The following PTPRT variants were observed in gnomAD, a reference collection of about 807,000 sequenced individuals.
The protein encoded by PTPRT is receptor-type tyrosine-protein phosphatase T.
Under a neutral mutation model 176.8 loss-of-function variants are expected in PTPRT, and 56 were observed. The ratio of observed to expected loss-of-function variants is 0.32; its 90% CI spans 0.26 to 0.40. The LOEUF is 0.40. Among genes scored for constraint, PTPRT ranks in the 10% least tolerant of loss-of-function variants. PTPRT has a pLI of 1.00. For synonymous variants in PTPRT, 783 were observed against 739.0 expected, an observed-to-expected ratio of 1.06 and a Z score of -0.96; for missense variants, 1,540 against 1,908.2, an observed-to-expected ratio of 0.81 and a Z score of 3.60.
intron 7 of PTPRT, among the ~76,000 whole-genome samples, chr20:42,584,122 C>A (rs1472497150): frequency 6.6e-6 from 1 of 152,198 alleles, no homozygotes; most frequent in Non-Finnish European, 1.5e-5. Context: ...AGAGACCTGT[C>A]TTCTGATGCT....
rs758753219 is a variant in PTPRT, at chr20:42,533,328, G to T, written c.1154-60766C>A. Among the ~76,000 whole-genome samples, 6 of 152,152 alleles carry T rather than the reference G, an allele frequency of 3.9e-5. No individual in the cohort carries two copies. The East Asian group carries it at 1.2e-3, about 29-fold the overall frequency. On this transcript the variant is annotated intron_variant, in intron 7 of 30. Coordinates refer to ENST00000373187, the MANE Select transcript of PTPRT (RefSeq NM_007050.6). ...CTGGGTAATCAAATGCGGGTGTGCC[G>T]CCGGGTCTCAACTCTGGTCCTTCCC...
intron 11 of PTPRT, among the ~76,000 whole-genome samples, chr20:42,328,259 T>C (rs1031835637): frequency 1.3e-5 from 2 of 152,076 alleles, no homozygotes; most frequent in African/African-American, 4.8e-5. Flanking sequence ...AGAATGACAA[T>C]AAATTAATTA....
intron 9 of PTPRT, among the ~76,000 whole-genome samples, chr20:42,438,477 A>C (rs2059283163): frequency 6.6e-6 from 1 of 152,172 alleles, no homozygotes; most frequent in South Asian, 2.1e-4. Flanking sequence ...TATCTCTGTC[A>C]GTTAACTCTC....
intron 7 of PTPRT, among the ~76,000 whole-genome samples, chr20:42,627,360 A>T (rs1363063439): frequency 1.3e-5 from 2 of 151,806 alleles, no homozygotes; most frequent in South Asian, 2.1e-4. Context: ...CACACCTGGG[A>T]TCAAACAACC....
At chr20:43,183,285 C>T (rs1183380421) in intron 1 of PTPRT, among the ~76,000 whole-genome samples, 1 of 152,174 alleles carries the variant, frequency 6.6e-6, no homozygotes, top group Non-Finnish European at 1.5e-5. Context: ...AGAGATAAGT[C>T]ATAGTAACGC....
chr20:42,754,029 CCT>C (rs907167211), intron 6 of PTPRT, among the ~76,000 whole-genome samples: 2 of 152,102 alleles, frequency 1.3e-5, no homozygotes, highest in African/African-American at 4.8e-5. Context: ...CACAGCACAC[CCT>C]CTCCTGGGAC....
intron 25 of PTPRT, among the ~76,000 whole-genome samples, chr20:42,103,297 A>G (rs1197587530): frequency 6.6e-6 from 1 of 152,184 alleles, no homozygotes; most frequent in East Asian, 1.9e-4. Flanking sequence ...GTTCTAGGAC[A>G]GTACTTCTCA....
intron 2 of PTPRT, among the ~76,000 whole-genome samples, chr20:42,836,973 T>A (rs1347397499): frequency 6.6e-6 from 1 of 152,060 alleles, no homozygotes; most frequent in Non-Finnish European, 1.5e-5. Flanking sequence ...AGCACCAGAG[T>A]TGGGATTTGA....
intron 7 of PTPRT, among the ~76,000 whole-genome samples, chr20:42,517,186 G>T (rs565691489): frequency 1.3e-5 from 2 of 151,918 alleles, no homozygotes; most frequent in Non-Finnish European, 2.9e-5. Flanking sequence ...TGGGGAGATT[G>T]TTGACAGATT....
At chr20:42,150,692 C>T (rs1214999366) in intron 17 of PTPRT, among the ~76,000 whole-genome samples, 1 of 152,168 alleles carries the variant, frequency 6.6e-6, no homozygotes, top group Non-Finnish European at 1.5e-5. Flanking sequence ...CAAATAAGTT[C>T]ACCACTTCGA....
intron 7 of PTPRT, among the ~76,000 whole-genome samples, chr20:42,520,040 T>C (rs2145492088): frequency 6.6e-6 from 1 of 152,272 alleles, no homozygotes; most frequent in Admixed American, 6.5e-5. Flanking sequence ...CTCTGTTTTG[T>C]CTGATATTAT....
chr20:43,105,436 T>G (rs1208840165), intron 1 of PTPRT, among the ~76,000 whole-genome samples: 1 of 152,060 alleles, frequency 6.6e-6, no homozygotes, highest in Non-Finnish European at 1.5e-5. Context: ...AGTCTCACTC[T>G]GTCACCCAGG....
chr20:42,060,956 A>G, the PTPRT span, among the ~76,000 whole-genome samples: 1 of 152,208 alleles, frequency 6.6e-6, no homozygotes, highest in Non-Finnish European at 1.5e-5. Flanking sequence ...CCACTTAACA[A>G]CTATGTGATC....
chr20:42,649,020 C>T (rs2425499), intron 7 of PTPRT, among the ~76,000 whole-genome samples: 122,940 of 151,590 alleles, frequency 0.81, 50,051 homozygotes, highest in African/African-American at 0.88. Context: ...GGGGTTTCAC[C>T]GTGTTAGCCA....
chr20:42,218,583 C>T (rs1473782597), intron 15 of PTPRT, among the ~76,000 whole-genome samples: 1 of 152,100 alleles, frequency 6.6e-6, no homozygotes, highest in Non-Finnish European at 1.5e-5. Context: ...TGTTTGTGAC[C>T]CCAGGCCCCT....
intron 1 of PTPRT, among the ~76,000 whole-genome samples, chr20:42,925,147 C>G (rs1979400663): frequency 6.6e-6 from 1 of 152,200 alleles, no homozygotes. Flanking sequence ...TTTAGGCATG[C>G]TTCCTAAACT....
At chr20:42,494,895 C>T (rs937297107) in intron 7 of PTPRT, among the ~76,000 whole-genome samples, 1 of 152,126 alleles carries the variant, frequency 6.6e-6, no homozygotes, top group African/African-American at 2.4e-5. Context: ...TGTTACTGCT[C>T]TAAAAAGAAA....
intron 11 of PTPRT, among the ~76,000 whole-genome samples, chr20:42,330,383 G>A (rs1203966319): frequency 6.6e-6 from 1 of 151,976 alleles, no homozygotes; most frequent in Non-Finnish European, 1.5e-5. Context: ...GGCTGAGGCA[G>A]GATAATCAAT....
chr20:42,987,806 C>T (rs557228853), intron 1 of PTPRT, among the ~76,000 whole-genome samples: 2 of 152,198 alleles, frequency 1.3e-5, no homozygotes, highest in Non-Finnish European at 2.9e-5. Flanking sequence ...GCCTGTCTCT[C>T]CTTTCATGGC....
Sources: gnomAD v4.1 joint callset for allele counts (sites outside exome capture counted in the v4.1 genomes callset) on GRCh38, gnomAD v4.1.1 for gene constraint, MANE v1.5 for transcripts, NCBI Gene and HGNC (gene_info 2026-07-23, HGNC 2026-07-21) for gene names.